SPATA7: variants seen among roughly 807,000 people sequenced by gnomAD.
SPATA7 encodes spermatogenesis-associated protein 7.
In SPATA7, 43 loss-of-function variants were observed where a neutral mutation model predicts 51.8. The observed-to-expected ratio is 0.83, with a 90% CI of 0.65 to 1.07. SPATA7 has a LOEUF of 1.07. Among genes scored for constraint, SPATA7 ranks in the 50% least tolerant of loss-of-function variants. The pLI is 0.00. For missense variants in SPATA7, 683 were observed against 701.3 expected, an observed-to-expected ratio of 0.97 and a Z score of 0.30; for synonymous variants, 230 against 252.8, an observed-to-expected ratio of 0.91 and a Z score of 0.86.
chr14:88,395,316 T>C (rs1272105211), intron 3 of SPATA7, among the ~76,000 whole-genome samples: 1 of 152,068 alleles, frequency 6.6e-6, no homozygotes, highest in Non-Finnish European at 1.5e-5. Context: ...TTTAAATAGC[T>C]AAAGTTTTTA....
intron 5 of SPATA7, among the ~76,000 whole-genome samples, chr14:88,424,064 A>G (rs369376933): frequency 1.3e-5 from 2 of 152,342 alleles, no homozygotes; most frequent in African/African-American, 2.4e-5. Flanking sequence ...AACCTCGTAA[A>G]CTAAGAATAA....
At chr14:88,436,371 T>C (rs753326096) in intron 10 of SPATA7, among the ~76,000 whole-genome samples, 2 of 152,194 alleles carry the variant, frequency 1.3e-5, no homozygotes, top group Non-Finnish European at 2.9e-5. Flanking sequence ...TCCCATTCTG[T>C]GGATTGTCTC....
At chr14:88,391,970 T>G (rs1274656386) in intron 2 of SPATA7, among the ~76,000 whole-genome samples, 1 of 152,218 alleles carries the variant, frequency 6.6e-6, no homozygotes, top group Non-Finnish European at 1.5e-5. Context: ...AATTATACCT[T>G]AGAAGTATAA....
At chr14:88,421,880 C>T (rs1424140617) in intron 5 of SPATA7, among the ~76,000 whole-genome samples, 1 of 147,570 alleles carries the variant, frequency 6.8e-6, no homozygotes, top group Non-Finnish European at 1.5e-5. Flanking sequence ...GTCCAGGAGG[C>T]GGGGTTGCAG....
intron 3 of SPATA7, among the ~76,000 whole-genome samples, chr14:88,448,857 T>C (rs1258116171): frequency 6.6e-6 from 1 of 152,296 alleles, no homozygotes; most frequent in African/African-American, 2.4e-5. Context: ...GATCTCCAGC[T>C]GCGTGCTGGG....
intron 10 of SPATA7, among the ~76,000 whole-genome samples, chr14:88,434,684 T>C (rs2077033458): frequency 1.5e-5 from 2 of 130,128 alleles, no homozygotes; most frequent in African/African-American, 2.9e-5. Flanking sequence ...AGACTCTGTC[T>C]CAGAAAAAAA....
At chr14:88,457,625 G>T (rs182270777), downstream of SPATA7, among the ~76,000 whole-genome samples, 2 of 152,210 alleles carry the variant, frequency 1.3e-5, no homozygotes, top group East Asian at 3.9e-4. Context: ...GGAGATTTTG[G>T]GCTGAGACGA....
chr14:88,449,850 T>C (rs1421891002), intron 3 of SPATA7, among the ~76,000 whole-genome samples: 3 of 152,152 alleles, frequency 2.0e-5, no homozygotes, highest in Admixed American at 6.5e-5. Context: ...TTGTCATTTT[T>C]AACTGCTGTT....
intron 4 of SPATA7, chr14:88,468,963 C>T (rs574357713): frequency 1.4e-5 from 23 of 1,614,190 alleles, no homozygotes; most frequent in Middle Eastern, 1.6e-4. Context: ...AAAATCACCA[C>T]GCCAGTCCTT....
chr14:88,416,342 A>G (rs2139959896), intron 4 of SPATA7: 1 of 178,896 alleles, frequency 5.6e-6, no homozygotes, highest in East Asian at 1.6e-4. Flanking sequence ...TATCTCTGTG[A>G]ATAACTGCTA....
intron 3 of SPATA7, among the ~76,000 whole-genome samples, chr14:88,451,902 T>A (rs144330866): frequency 1.3e-5 from 2 of 152,180 alleles, no homozygotes; most frequent in African/African-American, 4.8e-5. Context: ...ATAGTTGACC[T>A]TCTGAATTCT....
At chr14:88,409,177 G>T (rs369575605) in intron 4 of SPATA7, among the ~76,000 whole-genome samples, 1 of 152,106 alleles carries the variant, frequency 6.6e-6, no homozygotes, top group Non-Finnish European at 1.5e-5. Context: ...AATGGTACCA[G>T]CTCCTCTTTG....
intron 7 of SPATA7, chr14:88,428,405 G>GA (rs1156499173): frequency 6.6e-6 from 1 of 152,088 alleles, no homozygotes; most frequent in African/African-American, 2.4e-5. Context: ...CTTCCCTTCT[G>GA]AAAATGGGTA....
chr14:88,389,400 C>T (rs757955007), intron 1 of SPATA7, among the ~76,000 whole-genome samples: 39 of 152,086 alleles, frequency 2.6e-4, no homozygotes, highest in Non-Finnish European at 4.6e-4. Context: ...GTTAGAGTTT[C>T]GCCATGTTGT....
At chr14:88,433,674 A>G (rs1187901548) in intron 10 of SPATA7, among the ~76,000 whole-genome samples, 1 of 152,174 alleles carries the variant, frequency 6.6e-6, no homozygotes, top group East Asian at 1.9e-4. Flanking sequence ...CAGATTAGCT[A>G]TTGCATAGCT....
Position 88,409,258 on chromosome 14 carries a change from C to T in SPATA7, c.239-7453C>T, listed in dbSNP as rs570097358. Among the ~76,000 whole-genome samples, 12 of 152,248 alleles carry T rather than the reference C, an allele frequency of 7.9e-5. No individual in the cohort carries two copies. In the South Asian group the frequency reaches 2.3e-3, roughly 29 times the overall value. On this transcript the variant is annotated intron_variant, in intron 4 of 11. Coordinates refer to ENST00000393545, the MANE Select transcript of SPATA7 (RefSeq NM_018418.5). ...TTTTGGGTTGGTAGGCTATTAATTA[C>T]TGCCTCAATTTCAGAACTTGTTATG...
At position 88,469,160 on chromosome 14, in the gene SPATA7, G is replaced by A; in HGVS notation, c.255-687G>A. On this transcript the variant is annotated intron_variant, in intron 4 of 4. Transcript: ENST00000556406. This position sits in a 1 kb window ranked among gnomAD's most constrained non-coding sequence, Gnocchi z 4.3. ...ACTCAATCTTCATATTCTCTCCACT[G>A]ATTAAGAGGACTGCAGATAAAGAGC... 1.4e-6 allele frequency: 2 copies of A among 1,407,208 alleles called. No homozygotes were observed. The highest frequency in any genetic ancestry group is 1.9e-6 in the Non-Finnish European group (2 of 1,035,634). 87.2% of individuals were successfully genotyped at this position (1,407,208 alleles called of 1,614,324 possible).
chr14:88,386,166 C>G, intron 1 of SPATA7: 2 of 638,064 alleles, frequency 3.1e-6, no homozygotes, highest in Non-Finnish European at 4.9e-6. Flanking sequence ...GTCAGACCTC[C>G]CCGGGCCCCA....
intron 3 of SPATA7, among the ~76,000 whole-genome samples, chr14:88,446,372 C>G (rs1366456463): frequency 1.3e-5 from 2 of 152,078 alleles, no homozygotes; most frequent in African/African-American, 4.8e-5. Context: ...ATTCTTCTCT[C>G]TTTTTTTGTT....
Sources: allele counts gnomAD v4.1 joint callset (sites outside exome capture counted in the v4.1 genomes callset), GRCh38; gene constraint gnomAD v4.1.1; non-coding constraint Gnocchi (gnomAD v3.1); transcripts MANE v1.5; gene names NCBI Gene and HGNC (gene_info 2026-07-23, HGNC 2026-07-21).